Variants in ANKRD31 observed in about 807,000 individuals in gnomAD.
ANKRD31 encodes the protein ankyrin repeat domain-containing protein 31.
In ANKRD31, 147 loss-of-function variants were observed where a neutral mutation model predicts 186.0. That is an observed-to-expected ratio of 0.79 (90% confidence interval 0.69 to 0.91). ANKRD31 has a LOEUF of 0.91. ANKRD31 is among the 40% of genes least tolerant of loss of function. The pLI is 0.00. For missense variants in ANKRD31, 1,986 were observed against 2,148.8 expected, an observed-to-expected ratio of 0.92 and a Z score of 1.50; for synonymous variants, 673 against 736.4, an observed-to-expected ratio of 0.91 and a Z score of 1.39.
At chr5:75,130,563 A>T (rs1749707192) in intron 17 of ANKRD31, among the ~76,000 whole-genome samples, 2 of 152,178 alleles carry the variant, frequency 1.3e-5, no homozygotes, top group South Asian at 2.1e-4. Flanking sequence ...CTTTAGCTAG[A>T]CGTAGAGCGC....
chr5:75,165,013 T>C (rs938655961), intron 11 of ANKRD31, among the ~76,000 whole-genome samples: 1 of 152,218 alleles, frequency 6.6e-6, no homozygotes, highest in Non-Finnish European at 1.5e-5. Context: ...TTGACTGTTA[T>C]TGTCCCTGTG....
intron 15 of ANKRD31, among the ~76,000 whole-genome samples, chr5:75,139,357 T>C (rs935870307): frequency 6.6e-6 from 1 of 152,198 alleles, no homozygotes; most frequent in Admixed American, 6.6e-5. Context: ...TGTATCTCAA[T>C]GGGTGTATTC....
intron 24 of ANKRD31, among the ~76,000 whole-genome samples, chr5:75,082,736 A>G (rs1005592859): frequency 2.6e-5 from 4 of 152,254 alleles, no homozygotes; most frequent in African/African-American, 9.6e-5. Context: ...ATACTTAAAA[A>G]TCTATCCAAA....
At chr5:75,179,236 T>C (rs1754076558) in intron 10 of ANKRD31, among the ~76,000 whole-genome samples, 1 of 152,104 alleles carries the variant, frequency 6.6e-6, no homozygotes, top group Non-Finnish European at 1.5e-5. Flanking sequence ...ATTGAGGCAA[T>C]AATTAATAGC....
At chr5:75,185,728 T>C (rs1436988738) in intron 10 of ANKRD31, among the ~76,000 whole-genome samples, 1 of 152,074 alleles carries the variant, frequency 6.6e-6, no homozygotes, top group African/African-American at 2.4e-5. Flanking sequence ...TGCTAATTAC[T>C]CTGATTTGAT....
At chr5:75,176,548 A>C (rs1222156697) in intron 10 of ANKRD31, among the ~76,000 whole-genome samples, 1 of 152,152 alleles carries the variant, frequency 6.6e-6, no homozygotes, top group African/African-American at 2.4e-5. Context: ...CCAGAGGAAC[A>C]ATCAGGCAGC....
At chr5:75,130,895 G>A (rs533372621) in intron 17 of ANKRD31, among the ~76,000 whole-genome samples, 25 of 152,328 alleles carry the variant, frequency 1.6e-4, no homozygotes, top group Admixed American at 1.2e-3. Context: ...CACCTAGCCC[G>A]GGCACTCCGG....
At chr5:75,202,952 T>C (rs1193492399) in intron 5 of ANKRD31, among the ~76,000 whole-genome samples, 2 of 152,192 alleles carry the variant, frequency 1.3e-5, no homozygotes, top group African/African-American at 4.8e-5. Context: ...ACTTTTTATT[T>C]TTTATTTTTT....
chr5:75,090,101 T>C (rs1341954572), intron 23 of ANKRD31, among the ~76,000 whole-genome samples: 1 of 152,222 alleles, frequency 6.6e-6, no homozygotes, highest in Non-Finnish European at 1.5e-5. Context: ...TAATCTATCA[T>C]AAGTGTAAGA....
intron 17 of ANKRD31, among the ~76,000 whole-genome samples, chr5:75,132,339 G>A (rs1420795816): frequency 1.3e-5 from 2 of 152,148 alleles, no homozygotes; most frequent in East Asian, 3.9e-4. Context: ...TGATGGAGCT[G>A]AAAACCATGG....
chr5:75,136,369 T>C lies in ANKRD31; in HGVS notation c.3876+1487A>G, dbSNP rs151037789. 2.4e-3 allele frequency among the ~76,000 whole-genome samples: 370 copies of C among 152,230 alleles called. 9 individuals carry two copies. The East Asian group carries it at 0.062, about 25-fold the overall frequency. ...GTGGGTGAAGGATATGAACAGACAC[T>C]TCTCAAAAGAAGACATTTATGCAGC... On this transcript the variant is annotated intron_variant, in intron 17 of 25. Coordinates refer to ENST00000506364, the MANE Select transcript of ANKRD31 (RefSeq NM_001372053.1).
intron 22 of ANKRD31, among the ~76,000 whole-genome samples, chr5:75,100,810 T>A (rs561753530): frequency 7.2e-5 from 11 of 152,320 alleles, no homozygotes; most frequent in Middle Eastern, 3.4e-3. Flanking sequence ...TTTGAGCCTA[T>A]GTGTGTCTCT....
At chr5:75,215,361 C>T (rs1756903275) in intron 3 of ANKRD31, among the ~76,000 whole-genome samples, 1 of 152,180 alleles carries the variant, frequency 6.6e-6, no homozygotes, top group Admixed American at 6.5e-5. Context: ...ACTATCTGAA[C>T]ATTCTGTGAC....
chr5:75,099,733 T>C lies in ANKRD31; in HGVS notation c.5331+4495A>G, dbSNP rs149712191. The stretch of plus-strand genomic sequence containing the variant: ...TTTATTTGCGTATAGGTGTTTATAG[T>C]ATTCTCTGATGGTAGTTTGTATATC... On this transcript the variant is annotated intron_variant, in intron 22 of 25. Coordinates refer to ENST00000506364, the MANE Select transcript of ANKRD31 (RefSeq NM_001372053.1). 4.6e-3 allele frequency among the ~76,000 whole-genome samples: 697 copies of C among 152,318 alleles called. 4 individuals carry two copies. The highest frequency in any genetic ancestry group is 0.015 in the African/African-American group (638 of 41,564).
At chr5:75,075,108 ATAACCTG>A (rs1210914774) in intron 25 of ANKRD31, among the ~76,000 whole-genome samples, 10 of 152,258 alleles carry the variant, frequency 6.6e-5, no homozygotes, top group African/African-American at 2.4e-4. Context: ...GAAATAAATA[ATAACCTG>A]TAACTACTGC....
intron 18 of ANKRD31, 108 bp from the exon 19 acceptor site, chr5:75,116,789 T>G: frequency 2.0e-6 from 1 of 501,960 alleles, no homozygotes; most frequent in South Asian, 8.5e-5. Flanking sequence ...TCTGCAACTA[T>G]TATAATATCT....
At chr5:75,070,168 A>G (rs962785535) in intron 25 of ANKRD31, among the ~76,000 whole-genome samples, 2 of 152,304 alleles carry the variant, frequency 1.3e-5, no homozygotes, top group Admixed American at 6.5e-5. Context: ...TAACTCCTTT[A>G]TTAGGAGCTT....
chr5:75,208,337 G>A (rs987921691), intron 4 of ANKRD31, among the ~76,000 whole-genome samples: 2 of 152,068 alleles, frequency 1.3e-5, no homozygotes, highest in African/African-American at 4.8e-5. Flanking sequence ...GCTATGGCAA[G>A]CTGCGTACTC....
At chr5:75,165,308 A>C (rs114783649) in intron 11 of ANKRD31, among the ~76,000 whole-genome samples, 52 of 152,360 alleles carry the variant, frequency 3.4e-4, no homozygotes, top group African/African-American at 1.2e-3. Flanking sequence ...CATATACTTT[A>C]AGAAAAAGAA....
Sources: gnomAD v4.1 joint callset for allele counts (sites outside exome capture counted in the v4.1 genomes callset) on GRCh38, gnomAD v4.1.1 for gene constraint, MANE v1.5 for transcripts, NCBI Gene and HGNC (gene_info 2026-07-23, HGNC 2026-07-21) for gene names.